The following FRMD4B variants were observed in gnomAD, a reference collection of about 807,000 sequenced individuals.
The protein encoded by FRMD4B is FERM domain containing 4B.
FRMD4B carries 74 observed loss-of-function variants against 141.5 expected under a neutral mutation model. That is an observed-to-expected ratio of 0.52 (90% CI 0.43 to 0.63). The LOEUF is 0.63. Ranked by LOEUF, FRMD4B falls within the 30% of genes least tolerant of loss-of-function variation. The pLI is 0.00. For missense variants in FRMD4B, 1,366 were observed against 1,253.4 expected (o/e 1.09, Z -1.36); for synonymous variants, 506 against 467.9 (o/e 1.08, Z -1.05).
intron 5 of FRMD4B, among the ~76,000 whole-genome samples, chr3:69,277,823 C>T (rs758162198): frequency 1.3e-5 from 2 of 150,616 alleles, no homozygotes; most frequent in Non-Finnish European, 3.0e-5. Flanking sequence ...AGCCACAGCG[C>T]CCGTCCATTG....
At chr3:69,487,905 G>A (rs1706243461) in intron 1 of FRMD4B, among the ~76,000 whole-genome samples, 1 of 152,130 alleles carries the variant, frequency 6.6e-6, no homozygotes, top group Non-Finnish European at 1.5e-5. Context: ...CCTTGAATTT[G>A]TGATTGATCT....
At chr3:69,359,939 G>T (rs1213244900) in intron 1 of FRMD4B, among the ~76,000 whole-genome samples, 2 of 152,156 alleles carry the variant, frequency 1.3e-5, no homozygotes, top group Non-Finnish European at 2.9e-5. Flanking sequence ...TCCCCAGTTG[G>T]GGGTAGAAGA....
Position 69,176,609 on chromosome 3 carries a change from C to T in FRMD4B, c.2899G>A (p.Gly967Arg). ...GCTGGAGTCTCGTAATCCGACAGCC[C>T]TATGGTTAACTGGGTCCTCCAGTTC... ...SGNWRTQLTI[G>R]LSDYETPAHS... The change falls in exon 22 of 23, where the codon GGG becomes AGG. Residue 967 changes from glycine (G) to arginine (R), a missense_variant. Gly to Arg is a moderately radical substitution (Grantham distance 125). Transcript: ENST00000398540. The T allele has an allele frequency of 6.2e-7, 1 of 1,605,296 alleles. No homozygotes were observed. The highest frequency in any genetic ancestry group is 8.5e-7 in the Non-Finnish European group (1 of 1,171,978).
At chr3:69,465,742 T>A (rs1319257810) in intron 1 of FRMD4B, among the ~76,000 whole-genome samples, 1 of 152,198 alleles carries the variant, frequency 6.6e-6, no homozygotes, top group Non-Finnish European at 1.5e-5. Flanking sequence ...TATGGCTATA[T>A]AGTGTTCCAT....
intron 1 of FRMD4B, among the ~76,000 whole-genome samples, chr3:69,330,339 C>A (rs1270725848): frequency 1.6e-4 from 15 of 93,128 alleles, no homozygotes; most frequent in Non-Finnish European, 6.3e-5. Context: ...GATTCTTTTG[C>A]CTTTTTTTTT....
chr3:69,217,164 T>C (rs2093148707), intron 10 of FRMD4B, among the ~76,000 whole-genome samples: 1 of 152,186 alleles, frequency 6.6e-6, no homozygotes, highest in Admixed American at 6.5e-5. Flanking sequence ...AATGACAGGA[T>C]GTTTGAATAA....
At chr3:69,213,326 C>A (rs142796772) in intron 11 of FRMD4B, among the ~76,000 whole-genome samples, 7 of 149,390 alleles carry the variant, frequency 4.7e-5, no homozygotes, top group African/African-American at 1.7e-4. Context: ...GTGTTTGCTG[C>A]CATTTTTTCT....
chr3:69,386,421 T>TGC (rs1704256319), upstream of FRMD4B: 1 of 158,526 alleles, frequency 6.3e-6, no homozygotes, highest in Non-Finnish European at 1.4e-5. Context: ...TTCCACGTCT[T>TGC]GCGCGCGCGC....
intron 1 of FRMD4B, among the ~76,000 whole-genome samples, chr3:69,345,000 G>C (rs1388042273): frequency 1.4e-5 from 2 of 143,000 alleles, no homozygotes; most frequent in Non-Finnish European, 3.1e-5. Flanking sequence ...CAGGACAGTG[G>C]GTGCAGCCCA....
intron 1 of FRMD4B, among the ~76,000 whole-genome samples, chr3:69,435,524 G>A (rs1211019914): frequency 6.6e-6 from 1 of 152,194 alleles, no homozygotes; most frequent in East Asian, 1.9e-4. Context: ...TGTATTGATT[G>A]TCTATGGCTG....
At chr3:69,341,135 T>G (rs535712604) in intron 1 of FRMD4B, among the ~76,000 whole-genome samples, 1 of 152,194 alleles carries the variant, frequency 6.6e-6, no homozygotes, top group Non-Finnish European at 1.5e-5. Context: ...AAAAGAATAC[T>G]GTAAAGCAAG....
intron 1 of FRMD4B, among the ~76,000 whole-genome samples, chr3:69,458,829 C>G (rs1363884388): frequency 7.4e-6 from 1 of 135,632 alleles, no homozygotes; most frequent in Non-Finnish European, 1.5e-5. Context: ...ACAGTCTAAC[C>G]TTGAAGCTGA....
chr3:69,189,382 T>C (rs2092811381), intron 18 of FRMD4B, among the ~76,000 whole-genome samples: 1 of 152,140 alleles, frequency 6.6e-6, no homozygotes, highest in African/African-American at 2.4e-5. Flanking sequence ...TAAACTTTCC[T>C]TTATCTAGAA....
chr3:69,365,264 C>T (rs1382756628), intron 1 of FRMD4B, among the ~76,000 whole-genome samples: 1 of 152,184 alleles, frequency 6.6e-6, no homozygotes, highest in East Asian at 1.9e-4. Flanking sequence ...TATACTGTGA[C>T]AAAACACAGT....
intron 1 of FRMD4B, among the ~76,000 whole-genome samples, chr3:69,339,615 A>G (rs995138427): frequency 1.3e-5 from 2 of 152,106 alleles, no homozygotes; most frequent in African/African-American, 2.4e-5. Context: ...GTATCCCAGA[A>G]CTTAAAGTAC....
chr3:69,305,653 T>G (rs1392775818), intron 3 of FRMD4B, among the ~76,000 whole-genome samples: 1 of 152,096 alleles, frequency 6.6e-6, no homozygotes, highest in Non-Finnish European at 1.5e-5. Flanking sequence ...TTTCAGGAGG[T>G]TGAGGCAGGA....
chr3:69,394,335 T>C (rs1020242455), intron 2 of FRMD4B, among the ~76,000 whole-genome samples: 34 of 152,206 alleles, frequency 2.2e-4, no homozygotes, highest in African/African-American at 8.2e-4. Flanking sequence ...CCAAATACCA[T>C]CACATTGGTG....
chr3:69,422,662 A>G (rs192702026), intron 2 of FRMD4B, among the ~76,000 whole-genome samples: 1 of 152,356 alleles, frequency 6.6e-6, no homozygotes, highest in Non-Finnish European at 1.5e-5. Context: ...GAAAGCAGCT[A>G]TCAACAATAT....
intron 5 of FRMD4B, among the ~76,000 whole-genome samples, chr3:69,254,968 T>C (rs2093484247): frequency 6.6e-6 from 1 of 151,850 alleles, no homozygotes; most frequent in African/African-American, 2.4e-5. Context: ...AATGCCAATA[T>C]GATGAATATG....
Sources: allele counts gnomAD v4.1 joint callset (sites outside exome capture counted in the v4.1 genomes callset), GRCh38; gene constraint gnomAD v4.1.1; transcripts MANE v1.5; gene names NCBI Gene and HGNC (gene_info 2026-07-23, HGNC 2026-07-21).